Variants in MED16 observed in about 807,000 individuals in gnomAD.
MED16 encodes the protein mediator of RNA polymerase II transcription subunit 16.
MED16 carries 81 observed loss-of-function variants against 84.4 expected under a neutral mutation model. The ratio of observed to expected loss-of-function variants is 0.96; its 90% CI spans 0.80 to 1.15. The LOEUF (loss-of-function observed/expected upper bound fraction) is 1.15. Among genes scored for constraint, MED16 ranks in the 50% most tolerant of loss-of-function variants. The pLI, the probability that MED16 is intolerant of heterozygous loss-of-function variation, is 0.00. For synonymous variants in MED16, 897 were observed against 552.2 expected, an observed-to-expected ratio of 1.62 and a Z score of -8.76; for missense variants, 1,585 against 1,245.9, an observed-to-expected ratio of 1.27 and a Z score of -4.10.
chr19:878,729 C>G (rs1235768680), intron 8 of MED16, among the ~76,000 whole-genome samples: 13 of 102,792 alleles, frequency 1.3e-4, no homozygotes, highest in South Asian at 3.3e-4. Flanking sequence ...GGTTGTCAAT[C>G]CCCACCAGGG....
At chr19:877,236 G>A (rs370135829) in intron 8 of MED16, 56 bp from the exon 9 acceptor site, 177 of 1,537,520 alleles carry the variant, frequency 1.2e-4, no homozygotes, top group South Asian at 1.1e-3. Context: ...GCCCTCAGCC[G>A]GGAGAGGAAT....
At chr19:873,603 G>A (rs781166568) in intron 10 of MED16, 21 bp from the exon 11 acceptor site, 1 of 1,611,204 alleles carries the variant, frequency 6.2e-7, no homozygotes. Context: ...ACGTGGGTCG[G>A]GTCAGCTCGG....
intron 9 of MED16, 102 bp downstream of exon 9, chr19:876,857 GCACGGGACCACCTGC>G (rs904331671): frequency 2.3e-6 from 2 of 863,958 alleles, no homozygotes; most frequent in East Asian, 3.9e-5. Context: ...GCCCCACCTG[GCACGGGACCACCTGC>G]CACGGGGCCC....
At chr19:878,082 C>A (rs568815992) in intron 8 of MED16, among the ~76,000 whole-genome samples, 85 of 129,132 alleles carry the variant, frequency 6.6e-4, no homozygotes, top group South Asian at 3.0e-3. Flanking sequence ...TCAATGCCCC[C>A]CAGCCCCAGC....
Position 889,673 on chromosome 19 carries a change from G to T in MED16, c.412C>A (p.His138Asn). The part of the protein sequence containing the change: ...GDPIVALSWL[H>N]NGVKLALHVE... Reference sequence around the variant, plus strand: ...TGCAGGGCCAGTTTCACACCATTGTGCAGCCAGGACAGGGCCACAATGGGG... The same window carrying T: ...TGCAGGGCCAGTTTCACACCATTGTTCAGCCAGGACAGGGCCACAATGGGG... Residue 138 changes from histidine (H) to asparagine (N), a missense_variant, in exon 4 of 16, where the codon CAC (histidine) becomes AAC (asparagine). Coordinates refer to ENST00000325464, the MANE Select transcript of MED16 (RefSeq NM_005481.3). The T allele has an allele frequency of 1.2e-6, 2 of 1,613,732 alleles. No individual in the cohort carries two copies. Among genetic ancestry groups the T allele is most frequent in the Non-Finnish European group, 1.7e-6 (2 of 1,179,822 alleles).
chr19:875,155 C>A (rs1037634974), intron 10 of MED16, 89 bp downstream of exon 10: 2 of 907,946 alleles, frequency 2.2e-6, no homozygotes, highest in Non-Finnish European at 3.1e-6. Context: ...CAGAGTAAGA[C>A]CCTATCTCAA....
chr19:877,055 C>T lies in MED16; in HGVS notation c.1479G>A (p.Leu493=). 6.2e-7 allele frequency: 1 copy of T among 1,612,730 alleles called. No homozygotes were observed. Among genetic ancestry groups the T allele is most frequent in the Non-Finnish European group, 8.5e-7 (1 of 1,179,922 alleles). The change falls in exon 9 of 16, where the codon CTG becomes CTA. Residue 493 remains leucine, a synonymous_variant. Transcript: ENST00000325464. Reference sequence around the variant, plus strand: ...TCTGTACCATACTGGGCTGCACGTGCAGCAGGATGTCCCACCAGTCGTAGC... The same window carrying T: ...TCTGTACCATACTGGGCTGCACGTGTAGCAGGATGTCCCACCAGTCGTAGC... The part of the protein sequence containing the change: ...VTGYDWWDIL[L]HVQPSMVQSL...
At chr19:881,801 C>A in intron 6 of MED16, 87 bp from the exon 7 acceptor site, 1 of 1,487,050 alleles carries the variant, frequency 6.7e-7, no homozygotes, top group Non-Finnish European at 9.2e-7. Context: ...GCCTGGTGTG[C>A]AACCTGCCCA....
intron 8 of MED16, among the ~76,000 whole-genome samples, chr19:877,665 C>T (rs1198072484): frequency 1.6e-5 from 2 of 127,876 alleles, no homozygotes; most frequent in Non-Finnish European, 3.3e-5. Flanking sequence ...CAGCCCCAGA[C>T]CCACGTGCCC....
At position 881,582 on chromosome 19, in the gene MED16, T is replaced by C; in HGVS notation, c.1118A>G (p.Asp373Gly). Residue 373 changes from aspartate to glycine, a missense_variant, in exon 7 of 16, where the codon GAC becomes GGC. Physicochemically the swap from Asp to Gly is moderately conservative, Grantham distance 94 (BLOSUM62 -1). Coordinates refer to ENST00000325464, the MANE Select transcript of MED16 (RefSeq NM_005481.3). ...ACCGAGGCCAGGGTAGAACTGTGTG[T>C]CGCTGGCCACCTTGAGGTCGGTGTT... ...LTNTDLKVAS[D>G]TQFYPGLGLA... The C allele has an allele frequency of 6.2e-7, 1 of 1,612,372 alleles. No individual in the cohort carries two copies. Among genetic ancestry groups the C allele is most frequent in the Non-Finnish European group, 8.5e-7 (1 of 1,179,850 alleles).
At chr19:871,584 A>T (rs780275287) in intron 12 of MED16, 1 of 1,595,786 alleles carries the variant, frequency 6.3e-7, no homozygotes. Context: ...CAACCCGACA[A>T]GGAGAGACAG....
intron 10 of MED16, among the ~76,000 whole-genome samples, chr19:874,640 G>C (rs915401109): frequency 6.6e-6 from 1 of 152,214 alleles, no homozygotes; most frequent in Non-Finnish European, 1.5e-5. Context: ...CCCAGGAGTA[G>C]AGAGAGGTGA....
chr19:886,461 G>A (rs763823978), intron 4 of MED16, among the ~76,000 whole-genome samples: 24 of 152,348 alleles, frequency 1.6e-4, no homozygotes, highest in Non-Finnish European at 1.3e-4. Flanking sequence ...TGTGCGCAAC[G>A]GGAGTCACCT....
rs147156588 is a variant in MED16 at position 870,010 on chromosome 19, G to A, written c.2315+1027C>T. Among the ~76,000 whole-genome samples the A allele has an allele frequency of 4.4e-3, 677 of 152,306 alleles. 5 individuals are homozygous for A. Among genetic ancestry groups the A allele is most frequent in the African/African-American group, 0.015 (634 of 41,564 alleles). ...CAGGGCTGCTGGGCAGCCAGGGTCA[G>A]CTCAGCACACTTGGGTTGCCCAAAC... On this transcript the variant is annotated intron_variant, in intron 13 of 15. Coordinates refer to ENST00000325464, the MANE Select transcript of MED16 (RefSeq NM_005481.3).
Position 873,708 on chromosome 19 carries a change from C to T in MED16, c.1772-126G>A, listed in dbSNP as rs1599321935. 2.6e-6 allele frequency: 3 copies of T among 1,144,566 alleles called. No homozygotes were observed. The East Asian group carries it at 7.3e-5, about 28-fold the overall frequency. 70.9% of individuals were successfully genotyped at this position (1,144,566 alleles called of 1,614,324 possible). A position where few individuals can be genotyped will look rare whatever the true frequency, so the allele number is the denominator to read the frequency against. ...GTACCAGGACACAAGGGGACCCACA[C>T]CGGGAACGAGAAGGGGGCGATGGCG... On this transcript the variant is annotated intron_variant, in intron 10 of 15. Transcript: ENST00000325464.
chr19:869,136 G>A lies in MED16; in HGVS notation c.2316-190C>T, dbSNP rs571343436. ...CTGAGACAGGCCCAGTAAAGGGGGC[G>A]GGACCCCCCACACGGAGGAGGGTTG... On this transcript the variant is annotated intron_variant, in intron 13 of 15. Coordinates refer to ENST00000325464, the MANE Select transcript of MED16 (RefSeq NM_005481.3). 2.6e-3 allele frequency among the ~76,000 whole-genome samples: 399 copies of A among 152,268 alleles called. 2 individuals are homozygous for A. The highest frequency in any genetic ancestry group is 4.5e-3 in the Non-Finnish European group (305 of 68,014).
At chr19:871,666 G>C (rs775413413) in intron 12 of MED16, 99 of 1,583,694 alleles carry the variant, frequency 6.3e-5, no homozygotes, top group Non-Finnish European at 7.4e-5. Context: ...CTAGGAACTG[G>C]GGAAATAGCA....
chr19:884,518 C>T (rs943622887), intron 6 of MED16, among the ~76,000 whole-genome samples: 1 of 152,152 alleles, frequency 6.6e-6, no homozygotes, highest in Admixed American at 6.5e-5. Flanking sequence ...GTGCACCGCC[C>T]CTGCCCGGTC....
At chr19:891,198 G>T in intron 1 of MED16, 49 bp from the exon 2 acceptor site, 1 of 1,532,210 alleles carries the variant, frequency 6.5e-7, no homozygotes, top group Non-Finnish European at 8.8e-7. Flanking sequence ...GAGCACCCAG[G>T]GCATGTGGAG....
Sources: gnomAD v4.1 joint callset for allele counts (sites outside exome capture counted in the v4.1 genomes callset) on GRCh38, gnomAD v4.1.1 for gene constraint, MANE v1.5 for transcripts, NCBI Gene and HGNC (gene_info 2026-07-23, HGNC 2026-07-21) for gene names.